BTN3A1: variants seen among roughly 807,000 people sequenced by gnomAD.
BTN3A1 encodes the protein dJ45P21.3 (butyrophilin, subfamily 3, member A1).
BTN3A1 carries 24 observed loss-of-function variants against 43.0 expected under a neutral mutation model. The observed-to-expected ratio is 0.56, with a 90% CI of 0.40 to 0.78. The LOEUF (loss-of-function observed/expected upper bound fraction) is 0.78, where lower values mean the gene tolerates loss of function less well. Ranked by LOEUF, BTN3A1 falls within the 30% of genes least tolerant of loss-of-function variation. The pLI is 0.00. For missense variants in BTN3A1, 533 were observed against 626.2 expected (o/e 0.85, Z 1.59); for synonymous variants, 181 against 234.7 (o/e 0.77, Z 2.09).
At chr6:26,403,971 C>T (rs1260282732) in intron 1 of BTN3A1, among the ~76,000 whole-genome samples, 1 of 152,072 alleles carries the variant, frequency 6.6e-6, no homozygotes, top group Non-Finnish European at 1.5e-5. Context: ...AAATGATACC[C>T]CCTCTATAGC....
In BTN3A1 at chr6:26,407,721, A is replaced by C; in HGVS notation, c.484A>C (p.Ile162Leu). 4 of 1,614,190 alleles carry C rather than the reference A, an allele frequency of 2.5e-6. No homozygotes were observed. The highest frequency in any genetic ancestry group is 3.4e-6 in the Non-Finnish European group (4 of 1,180,034). The change falls in exon 4 of 10, where the codon ATC becomes CTC. Residue 162 changes from isoleucine to leucine, a missense_variant. Ile to Leu is a conservative substitution (Grantham distance 5, BLOSUM62 2). Transcript: ENST00000289361. ...TGTGAAGGGTTACAAGGATGGAGGG[A>C]TCCATCTGGAGTGCAGGTCCACTGG... The part of the protein sequence containing the change: ...VDVKGYKDGG[I>L]HLECRSTGWY...
At position 26,407,942 on chromosome 6, in the gene BTN3A1, T is replaced by A. The variant is rs746594545; in HGVS notation, c.705T>A (p.Ile235=). Residue 235 remains isoleucine, a synonymous_variant, in exon 4 of 10, where the codon ATT becomes ATA. Transcript: ENST00000289361. ...SLLGLEKTAS[I]SIADPFFRSA... ...TCGGCCTGGAAAAGACAGCCAGCAT[T>A]TCCATCGCAGGTCAGTACCTGCTTG... 37 of 1,614,016 alleles carry A rather than the reference T, an allele frequency of 2.3e-5. 1 individual carries two copies. In the South Asian group the frequency reaches 3.8e-4, roughly 17 times the overall value.
Position 26,411,594 on chromosome 6 carries a change from C to G in BTN3A1, c.1018+13C>G. The G allele has an allele frequency of 6.2e-7, 1 of 1,612,792 alleles. No homozygotes were observed. Among genetic ancestry groups the G allele is most frequent in the South Asian group, 1.1e-5 (1 of 91,000 alleles). ...CTCTTCAAGCCTGGTGAGTAAATCA[C>G]TGTGTGTTCCCTGGACCAACAACCT... On this transcript the variant is annotated intron_variant, in intron 9 of 9. Transcript: ENST00000289361.
At position 26,411,584 on chromosome 6, in the gene BTN3A1, G is replaced by A. The variant is rs776528991; in HGVS notation, c.1018+3G>A. On this transcript the variant is annotated splice_donor_region_variant and intron_variant, in intron 9 of 9. Coordinates refer to ENST00000289361, the MANE Select transcript of BTN3A1 (RefSeq NM_007048.6). Reference sequence around the variant, plus strand: ...GAAAAAGGCCCTCTTCAAGCCTGGTGAGTAAATCACTGTGTGTTCCCTGGA... The same window carrying A: ...GAAAAAGGCCCTCTTCAAGCCTGGTAAGTAAATCACTGTGTGTTCCCTGGA... The A allele has an allele frequency of 5.4e-5, 87 of 1,613,316 alleles. No homozygotes were observed. Among genetic ancestry groups the A allele is most frequent in the Non-Finnish European group, 4.1e-5 (48 of 1,179,624 alleles).
At position 26,413,059 on chromosome 6, in the gene BTN3A1, C is replaced by A. The variant is rs1762273360; in HGVS notation, c.1019-110C>A. On this transcript the variant is annotated intron_variant, in intron 9 of 9. Transcript: ENST00000289361. ...TCACATTTAGGGCAGACTAGGGACA[C>A]CAGGCTTTGGACTCAGACCTCCTCA... is the stretch of plus-strand genomic sequence containing the variant. 8 of 1,521,284 alleles carry A rather than the reference C, an allele frequency of 5.3e-6. No individual in the cohort carries two copies. The South Asian group carries it at 1.1e-4, about 21-fold the overall frequency. 94.2% of individuals were successfully genotyped at this position (1,521,284 alleles called of 1,614,324 possible).
Position 26,409,727 on chromosome 6 carries a change from A to C in BTN3A1, c.910A>C (p.Thr304Pro). 1 of 1,572,528 alleles carries C rather than the reference A, an allele frequency of 6.4e-7. No individual in the cohort carries two copies. The highest frequency in any genetic ancestry group is 8.6e-7 in the Non-Finnish European group (1 of 1,163,054). Residue 304 changes from threonine to proline, a missense_variant, in exon 5 of 10, where the codon ACA becomes CCA. Physicochemically the swap from Thr to Pro is conservative, Grantham distance 38 (BLOSUM62 -1). Transcript: ENST00000289361. Reference sequence around the variant, plus strand: ...GAGCACAATGAAGCAAGAACAAAGCACAAGAGGTAGCTGACCTTGGGAGTT... The same window carrying C: ...GAGCACAATGAAGCAAGAACAAAGCCCAAGAGGTAGCTGACCTTGGGAGTT... ...AWSTMKQEQS[T>P]RVKLLEELRW...
chr6:26,405,179 C>G (rs1471296878), intron 1 of BTN3A1, among the ~76,000 whole-genome samples, 193 bp from the exon 2 acceptor site: 4 of 152,190 alleles, frequency 2.6e-5, no homozygotes, highest in Admixed American at 2.6e-4. Flanking sequence ...GGGACACCCA[C>G]AGCGGTCGAC....
At chr6:26,412,758 G>C in intron 9 of BTN3A1, 1 of 1,551,396 alleles carries the variant, frequency 6.4e-7, no homozygotes, top group South Asian at 1.2e-5. Context: ...TGGATGTATG[G>C]AAAAATAGAC....
chr6:26,409,395 GCATGAGAAAGATTATTTAACCT>G (rs1762127231), intron 4 of BTN3A1, 116 bp from the exon 5 acceptor site: 2 of 814,442 alleles, frequency 2.5e-6, no homozygotes, highest in Non-Finnish European at 4.0e-6. Context: ...TGAGATTTTA[GCATGAGAAAGATTATTTAACCT>G]CATGAGATAG....
chr6:26,404,844 A>G (rs1761958435), intron 1 of BTN3A1, among the ~76,000 whole-genome samples: 2 of 152,250 alleles, frequency 1.3e-5, no homozygotes, highest in African/African-American at 2.4e-5. Context: ...GTCTGAGACC[A>G]AAGAGCTTGT....
chr6:26,412,569 T>A (rs779651059), intron 9 of BTN3A1: 21 of 1,547,636 alleles, frequency 1.4e-5, no homozygotes, highest in Non-Finnish European at 1.8e-5. Flanking sequence ...AGGCACCACA[T>A]AGAGCCCAGC....
intron 9 of BTN3A1, chr6:26,412,533 G>C (rs1338935453): frequency 6.5e-7 from 1 of 1,549,720 alleles, no homozygotes; most frequent in Non-Finnish European, 8.7e-7. Flanking sequence ...AAAGCTGAAG[G>C]GTGGAGAGTG....
At chr6:26,408,545 C>T (rs1762098278) in intron 4 of BTN3A1, among the ~76,000 whole-genome samples, 1 of 152,202 alleles carries the variant, frequency 6.6e-6, no homozygotes, top group South Asian at 2.1e-4. Context: ...TTTTGGTGTG[C>T]ATTAGCACAA....
chr6:26,402,941 C>T (rs946836109), intron 1 of BTN3A1, among the ~76,000 whole-genome samples: 3 of 152,190 alleles, frequency 2.0e-5, no homozygotes, highest in Non-Finnish European at 4.4e-5. Flanking sequence ...ATGTTAGATC[C>T]ATACATTAAA....
rs1310361916 is a variant in BTN3A1 at position 26,409,088 on chromosome 6, A to G, written c.716-445A>G. On this transcript the variant is annotated intron_variant, in intron 4 of 9. Transcript: ENST00000289361. ...AAGTCACCTAAAGGAGCCAGCATTGACACCCAGGGCCTCCAGCTCCAAAGT... is the reference window on the plus strand; with the variant it reads ...AAGTCACCTAAAGGAGCCAGCATTGGCACCCAGGGCCTCCAGCTCCAAAGT... 3.6e-5 allele frequency among the ~76,000 whole-genome samples: 5 copies of G among 140,682 alleles called. No homozygotes were observed. The East Asian group carries it at 9.7e-4, about 27-fold the overall frequency. 92.3% of individuals were successfully genotyped at this position (140,682 alleles called of 152,430 possible).
chr6:26,410,420 A>C (rs1413470308), intron 7 of BTN3A1, among the ~76,000 whole-genome samples: 1 of 152,136 alleles, frequency 6.6e-6, no homozygotes, highest in African/African-American at 2.4e-5. Context: ...AGGTAGATGA[A>C]GTGCATTCTC....
intron 4 of BTN3A1, among the ~76,000 whole-genome samples, chr6:26,409,056 A>T (rs1483248830): frequency 6.6e-6 from 1 of 151,820 alleles, no homozygotes; most frequent in African/African-American, 2.4e-5. Context: ...GTCTAAAGTC[A>T]CACTGCAAGT....
chr6:26,413,299 T>G lies in BTN3A1; in HGVS notation c.1149T>G (p.Cys383Trp), dbSNP rs1165663777. Reference protein sequence around the residue: ...DNPERFNWHYCVLGCESFISG... With the variant: ...DNPERFNWHYWVLGCESFISG... ...CTGAGAGATTTAATTGGCATTATTGTGTTCTCGGCTGTGAGAGCTTCATAT... is the reference window on the plus strand; with the variant it reads ...CTGAGAGATTTAATTGGCATTATTGGGTTCTCGGCTGTGAGAGCTTCATAT... The change falls in exon 10 of 10, where the codon TGT (cysteine) becomes TGG (tryptophan). Residue 383 changes from cysteine (C) to tryptophan (W), a missense_variant. By Grantham distance (215) the Cys-to-Trp change is radical. Transcript: ENST00000289361. 1 of 1,614,056 alleles carries G rather than the reference T, an allele frequency of 6.2e-7. No individual in the cohort carries two copies. Among genetic ancestry groups the G allele is most frequent in the Non-Finnish European group, 8.5e-7 (1 of 1,180,028 alleles).
chr6:26,410,052 T>C lies in BTN3A1; in HGVS notation c.964+20T>C. The C allele has an allele frequency of 6.2e-7, 1 of 1,613,618 alleles. No individual in the cohort carries two copies. The highest frequency in any genetic ancestry group is 8.5e-7 in the Non-Finnish European group (1 of 1,179,554). On this transcript the variant is annotated intron_variant, in intron 7 of 9. Coordinates refer to ENST00000289361, the MANE Select transcript of BTN3A1 (RefSeq NM_007048.6). ...CATCTCGTAAGTGCCTCTGACATTT[T>C]CTCTGAATTTGAATCTATAACTGTC...
Sources: allele counts gnomAD v4.1 joint callset (sites outside exome capture counted in the v4.1 genomes callset), GRCh38; gene constraint gnomAD v4.1.1; transcripts MANE v1.5; gene names NCBI Gene and HGNC (gene_info 2026-07-23, HGNC 2026-07-21).